The following GABRA5 variants were observed in gnomAD, a reference collection of about 807,000 sequenced individuals.
GABRA5 encodes gamma-aminobutyric acid type A receptor subunit alpha5.
Under a neutral mutation model 47.3 loss-of-function variants are expected in GABRA5, and 18 were observed. The observed-to-expected ratio is 0.38, with a 90% CI of 0.26 to 0.56. The LOEUF is 0.56. GABRA5 is among the 20% of genes least tolerant of loss of function. The pLI, the probability that GABRA5 is intolerant of heterozygous loss-of-function variation, is 0.71. For synonymous variants in GABRA5, 237 were observed against 229.3 expected (o/e 1.03, Z -0.30); for missense variants, 365 against 599.3 (o/e 0.61, Z 4.08).
Position 26,883,991 on chromosome 15 carries a change from A to G in GABRA5, c.497+434A>G, listed in dbSNP as rs1892810209. On this transcript the variant is annotated intron_variant, in intron 6 of 10. Coordinates refer to ENST00000335625, the MANE Select transcript of GABRA5 (RefSeq NM_000810.4). This position sits in a 1 kb window ranked among gnomAD's most constrained non-coding sequence, Gnocchi z 4.8. ...AGATTAGCCTGGACAACATAGCGAG[A>G]CCTTGTTTCTACCAAAAAAAAAGAA... Among the ~76,000 whole-genome samples the G allele has an allele frequency of 6.6e-6, 1 of 150,688 alleles. No individual in the cohort carries two copies. Among genetic ancestry groups the G allele is most frequent in the Admixed American group, 6.7e-5 (1 of 15,010 alleles).
At chr15:26,910,973 G>C (rs1412803706) in intron 6 of GABRA5, among the ~76,000 whole-genome samples, 1 of 152,102 alleles carries the variant, frequency 6.6e-6, no homozygotes, top group Non-Finnish European at 1.5e-5. Context: ...TGAATAGAAG[G>C]CTTTCTTTCA....
intron 3 of GABRA5, chr15:26,877,698 G>C (rs1370305253): frequency 2.2e-6 from 1 of 455,088 alleles, no homozygotes; most frequent in Non-Finnish European, 4.4e-6. Context: ...ACTCTTTCAA[G>C]TACCAAATAA....
chr15:26,893,692 A>G (rs1329684470), intron 6 of GABRA5, among the ~76,000 whole-genome samples: 1 of 151,892 alleles, frequency 6.6e-6, no homozygotes, highest in African/African-American at 2.4e-5. Context: ...CAGGGGAAAC[A>G]GGAGGATCTG....
At chr15:26,893,719 C>T (rs1042648543) in intron 6 of GABRA5, among the ~76,000 whole-genome samples, 2 of 151,932 alleles carry the variant, frequency 1.3e-5, no homozygotes, top group Non-Finnish European at 2.9e-5. Context: ...CAGGAGTGGG[C>T]GAGGGGCTGA....
intron 10 of GABRA5, among the ~76,000 whole-genome samples, chr15:26,946,128 T>C (rs1008959648): frequency 1.3e-5 from 2 of 152,166 alleles, no homozygotes; most frequent in African/African-American, 2.4e-5. Context: ...GTTTCACCTG[T>C]TTCCCCTGAC....
At chr15:26,934,299 A>T (rs1894184652) in intron 7 of GABRA5, among the ~76,000 whole-genome samples, 1 of 151,868 alleles carries the variant, frequency 6.6e-6, no homozygotes, top group African/African-American at 2.4e-5. Flanking sequence ...AGAAAGAAAG[A>T]ATGGGAAGCC....
At chr15:26,924,234 A>G (rs951686303) in intron 7 of GABRA5, among the ~76,000 whole-genome samples, 1 of 149,818 alleles carries the variant, frequency 6.7e-6, no homozygotes, top group African/African-American at 2.5e-5. Flanking sequence ...GTCAGGGTAG[A>G]AATCAGGTTC....
At chr15:26,932,749 G>A (rs1415705815) in intron 7 of GABRA5, among the ~76,000 whole-genome samples, 1 of 152,184 alleles carries the variant, frequency 6.6e-6, no homozygotes, top group Admixed American at 6.5e-5. Flanking sequence ...TAAGGAAAAC[G>A]TGGTACATAT....
At position 26,948,333 on chromosome 15, in the gene GABRA5, T is replaced by C. The variant is rs566304269; in HGVS notation, c.*100T>C. On this transcript the variant is annotated 3_prime_UTR_variant, in exon 11 of 11. Coordinates refer to ENST00000335625, the MANE Select transcript of GABRA5 (RefSeq NM_000810.4). ...GACTCTCCATATGTGAGCACTATCT[T>C]TCAGGAAATTTTTGCATGTTTAATA... 2 of 1,150,124 alleles carry C rather than the reference T, an allele frequency of 1.7e-6. No homozygotes were observed. The highest frequency in any genetic ancestry group is 1.6e-5 in the African/African-American group (1 of 63,862). The allele number at this position is 1,150,124 out of a possible 1,614,324, so 71.2% of individuals were successfully genotyped here.
intron 6 of GABRA5, among the ~76,000 whole-genome samples, chr15:26,884,947 A>C (rs1446753183): frequency 6.6e-6 from 1 of 152,106 alleles, no homozygotes; most frequent in Non-Finnish European, 1.5e-5. Flanking sequence ...ACCCCCTCAG[A>C]CCCTACCTTC....
intron 3 of GABRA5, among the ~76,000 whole-genome samples, chr15:26,871,766 C>T (rs1041374638): frequency 6.6e-6 from 1 of 152,164 alleles, no homozygotes; most frequent in African/African-American, 2.4e-5. Context: ...TAAATGGCTG[C>T]ATATTTGACA....
chr15:26,901,182 G>A (rs1226897383), intron 6 of GABRA5, among the ~76,000 whole-genome samples: 4 of 150,252 alleles, frequency 2.7e-5, no homozygotes, highest in African/African-American at 1.0e-4. Flanking sequence ...AATACAAAGA[G>A]CACAATTGCT....
chr15:26,911,068 A>G (rs1409646616), intron 6 of GABRA5, among the ~76,000 whole-genome samples: 1 of 152,150 alleles, frequency 6.6e-6, no homozygotes, highest in Admixed American at 6.5e-5. Context: ...TTATTTCCTG[A>G]CTGAGGCTGA....
chr15:26,879,490 G>T (rs1409133277), intron 3 of GABRA5, among the ~76,000 whole-genome samples: 1 of 152,084 alleles, frequency 6.6e-6, no homozygotes, highest in Non-Finnish European at 1.5e-5. Context: ...TACATCTGTG[G>T]GCTCCGTACT....
intron 6 of GABRA5, among the ~76,000 whole-genome samples, chr15:26,904,498 A>G (rs1893396685): frequency 5.3e-5 from 8 of 152,132 alleles, no homozygotes; most frequent in Admixed American, 5.2e-4. Context: ...ACTGTTGTGA[A>G]GAATGTCATT....
chr15:26,867,163 G>GGC lies in GABRA5; in HGVS notation c.-140+58_-140+59dup, dbSNP rs1021635361. 25 of 149,102 alleles carry GGC rather than the reference G, an allele frequency of 1.7e-4. No homozygotes were observed. Among genetic ancestry groups the GGC allele is most frequent in the African/African-American group, 5.9e-4 (24 of 40,992 alleles). 9.2% of individuals were successfully genotyped at this position (149,102 alleles called of 1,614,324 possible). A position where few individuals can be genotyped will look rare whatever the true frequency, so the allele number is the denominator to read the frequency against. On this transcript the variant is annotated intron_variant, in intron 1 of 10. Coordinates refer to ENST00000335625, the MANE Select transcript of GABRA5 (RefSeq NM_000810.4). This position sits in a 1 kb window ranked among gnomAD's most constrained non-coding sequence, Gnocchi z 5.9. ...GGCGCTGGGGGGCTCTGCGGCGGGC[G>GGC]GCGCGCGGCCCGGGGCGCGGCGCGG...
rs143690059 is a variant in GABRA5, at chr15:26,901,086, C to T, written c.498-13717C>T. 6.1e-3 allele frequency among the ~76,000 whole-genome samples: 922 copies of T among 152,190 alleles called. 15 individuals are homozygous for T. Among genetic ancestry groups the T allele is most frequent in the African/African-American group, 0.021 (876 of 41,508 alleles). ...TATGGAAGGACATCTTGATTGCTTC[C>T]GAGTTTTGGTAGTTATGAATAAGGC... is the stretch of plus-strand genomic sequence containing the variant. On this transcript the variant is annotated intron_variant, in intron 6 of 10. Transcript: ENST00000335625.
At chr15:26,917,009 C>A (rs781201577) in intron 7 of GABRA5, among the ~76,000 whole-genome samples, 2 of 152,024 alleles carry the variant, frequency 1.3e-5, no homozygotes, top group Non-Finnish European at 2.9e-5. Context: ...ATGATGTCAT[C>A]TATAGATAGG....
intron 7 of GABRA5, among the ~76,000 whole-genome samples, chr15:26,933,093 G>A (rs1347635533): frequency 2.3e-5 from 3 of 132,680 alleles, no homozygotes; most frequent in Admixed American, 7.7e-5. Flanking sequence ...CATGTATCCC[G>A]GAACTTAAAA....
Sources: gnomAD v4.1 joint callset for allele counts (sites outside exome capture counted in the v4.1 genomes callset) on GRCh38, gnomAD v4.1.1 for gene constraint, Gnocchi (gnomAD v3.1) non-coding constraint, MANE v1.5 for transcripts, NCBI Gene and HGNC (gene_info 2026-07-23, HGNC 2026-07-21) for gene names.